Variants in RALYL observed in about 807,000 individuals in gnomAD.
RALYL encodes the protein RNA-binding Raly-like protein.
A neutral mutation model predicts 35.1 loss-of-function variants in RALYL; 29 were observed. That is an observed-to-expected ratio of 0.83 (90% confidence interval 0.61 to 1.13). The LOEUF (loss-of-function observed/expected upper bound fraction) is 1.13. Among genes scored for constraint, RALYL ranks in the 50% most tolerant of loss-of-function variants. RALYL has a pLI of 0.00. For missense variants in RALYL, 359 were observed against 360.4 expected (o/e 1.00, Z 0.03); for synonymous variants, 120 against 127.6 (o/e 0.94, Z 0.40).
At chr8:84,881,023 TA>T (rs1363118685) in intron 7 of RALYL, among the ~76,000 whole-genome samples, 1 of 152,010 alleles carries the variant, frequency 6.6e-6, no homozygotes, top group Non-Finnish European at 1.5e-5. Context: ...TAGATTTAAA[TA>T]AACACAATTA....
intron 4 of RALYL, among the ~76,000 whole-genome samples, chr8:84,845,391 G>C (rs758842386): frequency 1.3e-5 from 2 of 151,694 alleles, no homozygotes; most frequent in Admixed American, 6.6e-5. Context: ...AGGGGTGTGA[G>C]ATTGTGGTTT....
intron 2 of RALYL, among the ~76,000 whole-genome samples, chr8:84,686,250 T>C (rs1025953366): frequency 1.3e-5 from 2 of 152,154 alleles, no homozygotes; most frequent in African/African-American, 2.4e-5. Flanking sequence ...AACTGAGCCT[T>C]CTAACATGAA....
At chr8:84,892,532 C>A (rs66688879) in intron 8 of RALYL, among the ~76,000 whole-genome samples, 2 of 151,226 alleles carry the variant, frequency 1.3e-5, no homozygotes, top group African/African-American at 4.9e-5. Flanking sequence ...ATCGCTTGAA[C>A]CCAAGAGACG....
chr8:84,312,381 T>A (rs1361877958), intron 1 of RALYL, among the ~76,000 whole-genome samples: 1 of 152,188 alleles, frequency 6.6e-6, no homozygotes, highest in African/African-American at 2.4e-5. Context: ...CAGTCATGCC[T>A]TCCCAACAGT....
At chr8:84,234,769 ATTTT>A (rs113212845) in intron 1 of RALYL, among the ~76,000 whole-genome samples, 1 of 148,952 alleles carries the variant, frequency 6.7e-6, no homozygotes, top group African/African-American at 2.5e-5. Context: ...TTATTTATTT[ATTTT>A]TTTTTTTTTG....
chr8:84,895,422 T>G (rs1019222682), intron 8 of RALYL, among the ~76,000 whole-genome samples: 2 of 152,158 alleles, frequency 1.3e-5, no homozygotes, highest in Non-Finnish European at 1.5e-5. Context: ...TCTTATATAT[T>G]TTTTTCCAAA....
chr8:84,289,344 A>G (rs188904385), intron 1 of RALYL, among the ~76,000 whole-genome samples: 7 of 152,310 alleles, frequency 4.6e-5, no homozygotes, highest in Admixed American at 4.6e-4. Flanking sequence ...AAAGAAAAAA[A>G]TGCTGTAAGA....
At chr8:84,664,988 G>C (rs1334662942) in intron 2 of RALYL, among the ~76,000 whole-genome samples, 1 of 152,082 alleles carries the variant, frequency 6.6e-6, no homozygotes, top group East Asian at 1.9e-4. Flanking sequence ...TTATTATTTT[G>C]AGGTATGTTC....
At chr8:84,619,589 T>G (rs1417662016) in intron 2 of RALYL, among the ~76,000 whole-genome samples, 1 of 148,094 alleles carries the variant, frequency 6.8e-6, no homozygotes, top group African/African-American at 2.5e-5. Flanking sequence ...TTTAGTCCAT[T>G]TACATTTAAA....
intron 1 of RALYL, among the ~76,000 whole-genome samples, chr8:84,273,825 A>G (rs1480163058): frequency 6.6e-6 from 1 of 152,204 alleles, no homozygotes; most frequent in Non-Finnish European, 1.5e-5. Context: ...TCTCAAGGGG[A>G]GGAATGAGAA....
At chr8:84,776,921 C>T (rs1287437762) in intron 3 of RALYL, among the ~76,000 whole-genome samples, 1 of 152,114 alleles carries the variant, frequency 6.6e-6, no homozygotes, top group Admixed American at 6.5e-5. Context: ...TCTGTTTACA[C>T]AAATTAAGGC....
chr8:84,737,777 A>G (rs1183434240), intron 2 of RALYL, among the ~76,000 whole-genome samples: 1 of 151,954 alleles, frequency 6.6e-6, no homozygotes, highest in African/African-American at 2.4e-5. Flanking sequence ...TTTTAAAAAA[A>G]GAGGCTCCAC....
At chr8:84,444,018 A>G (rs756987656) in intron 1 of RALYL, among the ~76,000 whole-genome samples, 3 of 152,112 alleles carry the variant, frequency 2.0e-5, no homozygotes, top group Admixed American at 1.3e-4. Flanking sequence ...CTTTGTGTGA[A>G]TAAGTATTCA....
chr8:84,253,745 T>A (rs976081253), intron 1 of RALYL, among the ~76,000 whole-genome samples: 1 of 152,120 alleles, frequency 6.6e-6, no homozygotes, highest in Non-Finnish European at 1.5e-5. Context: ...CTCAGTTACC[T>A]CTGTCTGTCT....
Position 84,338,844 on chromosome 8 carries a change from ATAT to A in RALYL, c.-24+154428_-24+154430del, listed in dbSNP as rs1848278342. 2.0e-5 allele frequency among the ~76,000 whole-genome samples: 3 copies of A among 152,156 alleles called. No homozygotes were observed. In the South Asian group the frequency reaches 6.2e-4, roughly 31 times the overall value. On this transcript the variant is annotated intron_variant, in intron 1 of 8. Transcript: ENST00000521268. ...TGATAGCATCTTATGCTTTTACAGA[ATAT>A]TATTATTTTCCAAAAGAGTTTTATT... is the stretch of plus-strand genomic sequence containing the variant.
At chr8:84,501,391 A>G (rs1163207057) in intron 1 of RALYL, among the ~76,000 whole-genome samples, 2 of 152,120 alleles carry the variant, frequency 1.3e-5, no homozygotes, top group African/African-American at 2.4e-5. Flanking sequence ...ATTTCTTAAC[A>G]TACACTTACA....
At chr8:84,294,265 C>T (rs896022127) in intron 1 of RALYL, among the ~76,000 whole-genome samples, 32 of 151,992 alleles carry the variant, frequency 2.1e-4, no homozygotes, top group Non-Finnish European at 4.0e-4. Context: ...ATGAATTGTG[C>T]TTATCTAAGT....
intron 2 of RALYL, among the ~76,000 whole-genome samples, chr8:84,722,633 ATATATATATATATATG>A (rs1251631796): frequency 9.8e-5 from 14 of 143,316 alleles, no homozygotes; most frequent in Non-Finnish European, 1.8e-4. Flanking sequence ...ATATATATAT[ATATATATATATATATG>A]TATGTATATA....
At chr8:84,674,912 G>C (rs1177694838) in intron 2 of RALYL, among the ~76,000 whole-genome samples, 2 of 151,622 alleles carry the variant, frequency 1.3e-5, no homozygotes, top group Non-Finnish European at 2.9e-5. Context: ...TTGTTTCTTG[G>C]ATTTATTCTT....
Sources: gnomAD v4.1 joint callset for allele counts (sites outside exome capture counted in the v4.1 genomes callset) on GRCh38, gnomAD v4.1.1 for gene constraint, MANE v1.5 for transcripts, NCBI Gene and HGNC (gene_info 2026-07-23, HGNC 2026-07-21) for gene names.